Variants in LRRFIP1 observed in about 807,000 individuals in gnomAD.
The protein encoded by LRRFIP1 is LRR binding FLII interacting protein 1.
A neutral mutation model predicts 104.4 loss-of-function variants in LRRFIP1; 62 were observed. That is an observed-to-expected ratio of 0.59 (90% CI 0.48 to 0.73). The LOEUF (loss-of-function observed/expected upper bound fraction) is 0.73, where lower values mean the gene tolerates loss of function less well. Ranked by LOEUF, LRRFIP1 falls within the 30% of genes least tolerant of loss-of-function variation. LRRFIP1 has a pLI of 0.00. For missense variants in LRRFIP1, 796 were observed against 824.5 expected, an observed-to-expected ratio of 0.97 and a Z score of 0.42; for synonymous variants, 300 against 299.0, an observed-to-expected ratio of 1.00 and a Z score of -0.03.
intron 1 of LRRFIP1, among the ~76,000 whole-genome samples, chr2:237,669,997 T>A (rs1046418405): frequency 3.3e-5 from 5 of 152,230 alleles, no homozygotes; most frequent in Non-Finnish European, 1.5e-5. Flanking sequence ...TATCATCTAA[T>A]GAAAACCAGC....
chr2:237,762,554 G>A (rs770864740), intron 19 of LRRFIP1: 1 of 1,434,484 alleles, frequency 7.0e-7, no homozygotes, highest in Admixed American at 2.0e-5. Flanking sequence ...TGTAGATTAT[G>A]TGGCCGCCAC....
chr2:237,732,131 C>T (rs1255593349), intron 8 of LRRFIP1, among the ~76,000 whole-genome samples: 1 of 152,126 alleles, frequency 6.6e-6, no homozygotes, highest in Non-Finnish European at 1.5e-5. Context: ...GCCCCATCTC[C>T]TAGTTTTGTC....
At chr2:237,768,160 A>G (rs145784054) in intron 19 of LRRFIP1, 6 of 152,296 alleles carry the variant, frequency 3.9e-5, no homozygotes, top group Non-Finnish European at 8.8e-5. Flanking sequence ...TATTTTCTTC[A>G]TGTCAAATTA....
intron 6 of LRRFIP1, 127 bp downstream of exon 6, chr2:237,720,949 A>T: frequency 1.3e-6 from 1 of 786,136 alleles, no homozygotes; most frequent in Non-Finnish European, 2.2e-6. Context: ...TTAACCGATG[A>T]GATGCTTACT....
At chr2:237,726,973 AAAAT>A (rs1310728355) in intron 7 of LRRFIP1, among the ~76,000 whole-genome samples, 1 of 152,230 alleles carries the variant, frequency 6.6e-6, no homozygotes, top group East Asian at 1.9e-4. Context: ...TTCATTTTGA[AAAAT>A]AAAGTAGGAG....
chr2:237,720,144 C>T (rs1362347585), intron 5 of LRRFIP1, among the ~76,000 whole-genome samples: 1 of 151,810 alleles, frequency 6.6e-6, no homozygotes, highest in Admixed American at 6.6e-5. Flanking sequence ...ACGGAGTTTC[C>T]CTATGTTGCC....
intron 11 of LRRFIP1, among the ~76,000 whole-genome samples, chr2:237,743,283 C>A (rs2057366752): frequency 1.3e-5 from 2 of 151,954 alleles, no homozygotes; most frequent in South Asian, 4.2e-4. Context: ...TGTGTCACAC[C>A]CATCAGAGGG....
At chr2:237,666,920 CTT>C (rs2089464454) in intron 1 of LRRFIP1, among the ~76,000 whole-genome samples, 2 of 4,646 alleles carry the variant, frequency 4.3e-4, no homozygotes, top group African/African-American at 5.5e-4. Context: ...TTCCTGCTTT[CTT>C]TCTTTCTTTC....
chr2:237,638,870 C>T (rs1447046588), intron 1 of LRRFIP1, among the ~76,000 whole-genome samples: 1 of 152,184 alleles, frequency 6.6e-6, no homozygotes. Flanking sequence ...ATGACCAATG[C>T]AGGTAGACTG....
At chr2:237,651,410 C>T (rs74001215) in intron 1 of LRRFIP1, among the ~76,000 whole-genome samples, 1,736 of 152,274 alleles carry the variant, frequency 0.011, 26 homozygotes, top group African/African-American at 0.04. Context: ...AAACTTTTTT[C>T]CAATTATGTC....
intron 1 of LRRFIP1, among the ~76,000 whole-genome samples, chr2:237,667,900 T>G (rs1279574310): frequency 1.3e-5 from 2 of 152,080 alleles, no homozygotes; most frequent in African/African-American, 2.4e-5. Flanking sequence ...CTCTGCTTGT[T>G]TTCATGAGGT....
chr2:237,639,928 G>A (rs972532567), intron 1 of LRRFIP1, among the ~76,000 whole-genome samples: 1 of 152,136 alleles, frequency 6.6e-6, no homozygotes, highest in Non-Finnish European at 1.5e-5. Flanking sequence ...CATGCTTCCA[G>A]ACATTGTCAA....
rs560748401 is a variant in LRRFIP1 at position 237,648,478 on chromosome 2, AG to A, written c.96+20739del. On this transcript the variant is annotated intron_variant, in intron 1 of 23. Coordinates refer to ENST00000308482, the MANE Select transcript of LRRFIP1 (RefSeq NM_001137550.2). ...GCCGTTGGCTCCTGCTTGTAATCCC[AG>A]TGCTTTGGGAGGCCAAGGTGGGAGG... Among the ~76,000 whole-genome samples the A allele has an allele frequency of 2.4e-4, 37 of 151,724 alleles. 1 individual carries two copies. The South Asian group carries it at 7.5e-3, about 31-fold the overall frequency.
At chr2:237,746,249 G>A (rs2057838133) in intron 11 of LRRFIP1, among the ~76,000 whole-genome samples, 1 of 152,026 alleles carries the variant, frequency 6.6e-6, no homozygotes, top group African/African-American at 2.4e-5. Flanking sequence ...AATAGAGACA[G>A]GGTTTCGCCG....
At chr2:237,758,707 C>T in intron 17 of LRRFIP1, 22 bp from the exon 18 acceptor site, 1 of 1,556,726 alleles carries the variant, frequency 6.4e-7, no homozygotes, top group Non-Finnish European at 8.8e-7. Flanking sequence ...TCTTCTTTCT[C>T]TTGGCTCTGC....
At chr2:237,771,832 T>G in intron 20 of LRRFIP1, 1 of 418,908 alleles carries the variant, frequency 2.4e-6, no homozygotes, top group Non-Finnish European at 4.4e-6. Flanking sequence ...ATTGCAGGTA[T>G]TTCATGTACA....
At chr2:237,767,153 G>A (rs1288868661) in intron 19 of LRRFIP1, among the ~76,000 whole-genome samples, 2 of 152,112 alleles carry the variant, frequency 1.3e-5, no homozygotes, top group African/African-American at 2.4e-5. Context: ...TCCAGCCTGG[G>A]TGATGGAGTG....
chr2:237,636,848 C>G (rs2083195103), intron 1 of LRRFIP1, among the ~76,000 whole-genome samples: 1 of 152,238 alleles, frequency 6.6e-6, no homozygotes, highest in African/African-American at 2.4e-5. Flanking sequence ...AACCCAGTCT[C>G]TTGCCTTTGA....
chr2:237,636,864 G>A (rs1265013969), intron 1 of LRRFIP1, among the ~76,000 whole-genome samples: 2 of 152,242 alleles, frequency 1.3e-5, no homozygotes, highest in Admixed American at 6.5e-5. Context: ...TTTGAGGCCA[G>A]TGCCCTTGAC....
Sources: gnomAD v4.1 joint callset for allele counts (sites outside exome capture counted in the v4.1 genomes callset) on GRCh38, gnomAD v4.1.1 for gene constraint, MANE v1.5 for transcripts, NCBI Gene and HGNC (gene_info 2026-07-23, HGNC 2026-07-21) for gene names.